The following CLYBL variants were observed in gnomAD, a reference collection of about 807,000 sequenced individuals.
The protein encoded by CLYBL is citramalyl-CoA lyase, mitochondrial.
Under a neutral mutation model 38.9 loss-of-function variants are expected in CLYBL, and 31 were observed. The ratio of observed to expected loss-of-function variants is 0.80; its 90% CI spans 0.60 to 1.08. The LOEUF (loss-of-function observed/expected upper bound fraction) is 1.08. CLYBL is among the 50% of genes least tolerant of loss of function. CLYBL has a pLI of 0.00. For synonymous variants in CLYBL, 171 were observed against 158.6 expected, an observed-to-expected ratio of 1.08 and a Z score of -0.59; for missense variants, 434 against 411.6, an observed-to-expected ratio of 1.05 and a Z score of -0.47.
chr13:99,706,937 G>A (rs914046104), intron 1 of CLYBL, among the ~76,000 whole-genome samples: 1 of 152,100 alleles, frequency 6.6e-6, no homozygotes, highest in African/African-American at 2.4e-5. Flanking sequence ...TGAGTAGCCA[G>A]GACTACAGGT....
At chr13:99,797,779 C>T (rs1404540037) in intron 2 of CLYBL, among the ~76,000 whole-genome samples, 1 of 152,164 alleles carries the variant, frequency 6.6e-6, no homozygotes, top group Non-Finnish European at 1.5e-5. Context: ...TTTGATGCAA[C>T]TGGAACTCAG....
intron 1 of CLYBL, 37 bp downstream of exon 1, chr13:99,606,794 G>C: frequency 2.2e-6 from 3 of 1,361,392 alleles, no homozygotes; most frequent in Non-Finnish European, 2.8e-6. Flanking sequence ...TTCCCGGCCC[G>C]GCTCGCCGCG....
intron 2 of CLYBL, among the ~76,000 whole-genome samples, chr13:99,824,164 A>G (rs2139044080): frequency 6.6e-6 from 1 of 152,272 alleles, no homozygotes; most frequent in East Asian, 1.9e-4. Flanking sequence ...GCATAAGCAT[A>G]CTTCCAAGAG....
intron 1 of CLYBL, among the ~76,000 whole-genome samples, chr13:99,642,139 C>T (rs989791166): frequency 6.6e-6 from 1 of 152,150 alleles, no homozygotes; most frequent in African/African-American, 2.4e-5. Context: ...GAAGGATTCT[C>T]ATCTTATGAC....
intron 1 of CLYBL, among the ~76,000 whole-genome samples, chr13:99,751,314 G>A (rs2048953310): frequency 6.6e-6 from 1 of 151,746 alleles, no homozygotes; most frequent in South Asian, 2.1e-4. Context: ...TCTGCCTCTC[G>A]GGTTCAAGTG....
chr13:99,606,810 G>C (rs1053966536), intron 1 of CLYBL, 53 bp downstream of exon 1: 2 of 1,328,422 alleles, frequency 1.5e-6, no homozygotes, highest in African/African-American at 3.1e-5. Flanking sequence ...CCGCGGGTCG[G>C]CTCCTGTTGC....
chr13:99,739,687 C>T (rs537293986), intron 1 of CLYBL, among the ~76,000 whole-genome samples: 1 of 152,304 alleles, frequency 6.6e-6, no homozygotes, highest in East Asian at 1.9e-4. Flanking sequence ...AAGAACTGTA[C>T]TTGTGGCCGG....
At chr13:99,709,370 A>G (rs1233760970) in intron 1 of CLYBL, among the ~76,000 whole-genome samples, 1 of 152,160 alleles carries the variant, frequency 6.6e-6, no homozygotes, top group Non-Finnish European at 1.5e-5. Flanking sequence ...GTTCTCTGTC[A>G]CAGCAGCCCT....
At chr13:99,607,299 T>G (rs944960298) in intron 1 of CLYBL, among the ~76,000 whole-genome samples, 14 of 123,608 alleles carry the variant, frequency 1.1e-4, no homozygotes, top group Non-Finnish European at 2.0e-4. Context: ...AATGCATAAC[T>G]TCTCAAAAAA....
intron 1 of CLYBL, among the ~76,000 whole-genome samples, chr13:99,721,718 G>A (rs1594138380): frequency 6.8e-6 from 1 of 146,070 alleles, no homozygotes; most frequent in Admixed American, 7.2e-5. Flanking sequence ...ACATATATCA[G>A]ATTCTTTTTT....
intron 1 of CLYBL, among the ~76,000 whole-genome samples, chr13:99,670,661 C>A (rs1413728553): frequency 6.6e-6 from 1 of 152,128 alleles, no homozygotes; most frequent in Non-Finnish European, 1.5e-5. Context: ...TTGTTTTTGG[C>A]CAAAACAACA....
chr13:99,783,679 T>C (rs945385597), intron 2 of CLYBL, among the ~76,000 whole-genome samples: 2 of 151,350 alleles, frequency 1.3e-5, no homozygotes, highest in African/African-American at 4.9e-5. Context: ...TCTCCTGACC[T>C]TATGATCCGC....
rs576871630 is a variant in CLYBL, at chr13:99,753,507, G to A, written c.63-19317G>A. On this transcript the variant is annotated intron_variant, in intron 1 of 8. Coordinates refer to ENST00000339105, the MANE Select transcript of CLYBL (RefSeq NM_206808.5). The stretch of plus-strand genomic sequence containing the variant: ...TTAGCTCTCCAGTTTGTAATGTAGA[G>A]TAGGATGTAAGTCCCATCCTAAAGG... 4.5e-4 allele frequency among the ~76,000 whole-genome samples: 69 copies of A among 152,318 alleles called. 2 individuals are homozygous for A. The South Asian group carries it at 4.6e-3, about 10-fold the overall frequency.
At chr13:99,760,669 A>G (rs2049147648) in intron 1 of CLYBL, among the ~76,000 whole-genome samples, 1 of 152,258 alleles carries the variant, frequency 6.6e-6, no homozygotes, top group Non-Finnish European at 1.5e-5. Context: ...TCTGCTGATC[A>G]TCTTACTGAA....
intron 1 of CLYBL, among the ~76,000 whole-genome samples, chr13:99,702,699 A>G (rs894392546): frequency 6.6e-6 from 1 of 152,156 alleles, no homozygotes; most frequent in African/African-American, 2.4e-5. Context: ...AGTTCAAAAT[A>G]AAACAGAGCT....
intron 1 of CLYBL, among the ~76,000 whole-genome samples, chr13:99,656,223 T>TG (rs1422883637): frequency 6.6e-6 from 1 of 152,092 alleles, no homozygotes; most frequent in Non-Finnish European, 1.5e-5. Context: ...GGTGGAGAAA[T>TG]GGGGTGGAGA....
chr13:99,724,698 C>T (rs1379337796), intron 1 of CLYBL, among the ~76,000 whole-genome samples: 4 of 152,008 alleles, frequency 2.6e-5, no homozygotes, highest in African/African-American at 9.6e-5. Flanking sequence ...CAGAACGCAC[C>T]GAGTTACACA....
chr13:99,768,518 TTTTTTTTTTTA>T (rs1196838577), intron 1 of CLYBL, among the ~76,000 whole-genome samples: 5 of 10,656 alleles, frequency 4.7e-4, no homozygotes, highest in Admixed American at 9.4e-4. Context: ...TTTTTTTTTT[TTTTTTTTTTTA>T]AAGACAGAAT....
intron 1 of CLYBL, among the ~76,000 whole-genome samples, chr13:99,755,448 C>T (rs1371620184): frequency 2.6e-5 from 4 of 152,096 alleles, no homozygotes; most frequent in Non-Finnish European, 5.9e-5. Context: ...GTGATCATGG[C>T]CCTGCAGACA....
Sources: allele counts gnomAD v4.1 joint callset (sites outside exome capture counted in the v4.1 genomes callset), GRCh38; gene constraint gnomAD v4.1.1; transcripts MANE v1.5; gene names NCBI Gene and HGNC (gene_info 2026-07-23, HGNC 2026-07-21).